The following PRELID2 variants were observed in gnomAD, a reference collection of about 807,000 sequenced individuals.
PRELID2 encodes PRELI domain containing 2, also known as PRELI domain-containing protein 2.
A neutral mutation model predicts 28.4 loss-of-function variants in PRELID2; 25 were observed. The ratio of observed to expected loss-of-function variants is 0.88; its 90% CI spans 0.64 to 1.23. PRELID2 has a LOEUF of 1.23. PRELID2 is among the 50% of genes most tolerant of loss of function. The probability of loss-of-function intolerance (pLI) is 0.00; values close to 1 mark genes in which losing one functional copy is unlikely to be tolerated. For synonymous variants in PRELID2, 76 were observed against 71.6 expected, an observed-to-expected ratio of 1.06 and a Z score of -0.31; for missense variants, 201 against 214.4, an observed-to-expected ratio of 0.94 and a Z score of 0.39.
chr5:145,493,176 A>G (rs1270169941), intron 1 of PRELID2, among the ~76,000 whole-genome samples: 1 of 97,014 alleles, frequency 1.0e-5, no homozygotes, highest in Admixed American at 1.0e-4. Flanking sequence ...TGATATTTCT[A>G]TGGTGGGATG....
At chr5:145,237,721 G>T in the PRELID2 span, among the ~76,000 whole-genome samples, 4 of 152,070 alleles carry the variant, frequency 2.6e-5, no homozygotes, top group African/African-American at 9.7e-5. Flanking sequence ...TGCAGCAGCA[G>T]AGAGTGTGAT....
At chr5:145,821,303 GTGTGTGTA>G (rs1363840607) in intron 2 of PRELID2, among the ~76,000 whole-genome samples, 1 of 150,040 alleles carries the variant, frequency 6.7e-6, no homozygotes, top group African/African-American at 2.5e-5. Context: ...TCTCTTCTGT[GTGTGTGTA>G]TGTGTGTAAG....
chr5:145,726,321 A>AGAGAGAG (rs1561559875), intron 1 of PRELID2, among the ~76,000 whole-genome samples: 1 of 137,542 alleles, frequency 7.3e-6, no homozygotes, highest in African/African-American at 3.1e-5. Flanking sequence ...GAGAGAGAGA[A>AGAGAGAG]AGAGAGAAAG....
At chr5:145,386,003 G>A in the PRELID2 span, among the ~76,000 whole-genome samples, 1 of 151,968 alleles carries the variant, frequency 6.6e-6, no homozygotes, top group African/African-American at 2.4e-5. Flanking sequence ...TGGATCATGG[G>A]GGCTGTATTA....
chr5:145,258,735 C>T, the PRELID2 span, among the ~76,000 whole-genome samples: 3 of 152,064 alleles, frequency 2.0e-5, no homozygotes, highest in African/African-American at 7.2e-5. Flanking sequence ...TGCAGCCTGG[C>T]TGTGTGGTAG....
the PRELID2 span, among the ~76,000 whole-genome samples, chr5:145,343,183 T>G: frequency 6.6e-6 from 1 of 151,990 alleles, no homozygotes; most frequent in Non-Finnish European, 1.5e-5. Context: ...TTACAAGACA[T>G]TTACAGAACA....
chr5:145,604,487 G>A (rs1046145712), intron 1 of PRELID2, among the ~76,000 whole-genome samples: 6 of 152,082 alleles, frequency 3.9e-5, no homozygotes, highest in African/African-American at 1.4e-4. Flanking sequence ...ATCACTGATA[G>A]ACATTTGGGT....
chr5:145,316,480 C>T, the PRELID2 span, among the ~76,000 whole-genome samples: 3 of 152,296 alleles, frequency 2.0e-5, no homozygotes, highest in East Asian at 5.8e-4. Flanking sequence ...CTCAGTCATA[C>T]ACCACGCAGC....
chr5:145,723,997 A>C (rs1240825049), intron 1 of PRELID2, among the ~76,000 whole-genome samples: 1 of 152,236 alleles, frequency 6.6e-6, no homozygotes, highest in Non-Finnish European at 1.5e-5. Context: ...CACACAATGG[A>C]ATGCTATGCA....
chr5:145,423,187 C>G, the PRELID2 span, among the ~76,000 whole-genome samples: 1 of 151,996 alleles, frequency 6.6e-6, no homozygotes, highest in East Asian at 1.9e-4. Flanking sequence ...TTCATTTCCA[C>G]TTTGGTGAAT....
chr5:145,479,400 A>G (rs570513665), intron 1 of PRELID2, among the ~76,000 whole-genome samples: 1 of 152,216 alleles, frequency 6.6e-6, no homozygotes, highest in African/African-American at 2.4e-5. Context: ...CATGGCCTGG[A>G]ACACTCCTAC....
chr5:145,374,846 C>T, the PRELID2 span, among the ~76,000 whole-genome samples: 1 of 152,082 alleles, frequency 6.6e-6, no homozygotes. Flanking sequence ...CATTTATGTT[C>T]CTACTTAAAC....
At chr5:145,532,802 G>C (rs1752665272) in intron 1 of PRELID2, among the ~76,000 whole-genome samples, 1 of 151,936 alleles carries the variant, frequency 6.6e-6, no homozygotes, top group African/African-American at 2.4e-5. Context: ...ATTTTCTTCT[G>C]TTTATAGACT....
the PRELID2 span, among the ~76,000 whole-genome samples, chr5:145,380,306 C>T: frequency 1.3e-5 from 2 of 152,156 alleles, no homozygotes; most frequent in Non-Finnish European, 2.9e-5. Context: ...CCAGCTTTCT[C>T]CCCCTTCAGC....
At chr5:145,296,217 T>G in the PRELID2 span, among the ~76,000 whole-genome samples, 1 of 151,876 alleles carries the variant, frequency 6.6e-6, no homozygotes, top group African/African-American at 2.4e-5. Context: ...ATACTTTAAG[T>G]TTTAGGGTAC....
intron 5 of PRELID2, among the ~76,000 whole-genome samples, chr5:145,787,591 G>A (rs113014085): frequency 1.4e-3 from 207 of 151,810 alleles, no homozygotes; most frequent in Non-Finnish European, 2.3e-3. Flanking sequence ...CCCAGGCTAG[G>A]GTGCAGTGGT....
At chr5:145,513,954 T>C (rs1752489052) in intron 1 of PRELID2, among the ~76,000 whole-genome samples, 1 of 152,132 alleles carries the variant, frequency 6.6e-6, no homozygotes, top group South Asian at 2.1e-4. Flanking sequence ...CTAAGAGATT[T>C]TGTCACCACC....
Position 145,614,360 on chromosome 5 carries a change from A to G in PRELID2, n.71-141045T>C, listed in dbSNP as rs181036208. On this transcript the variant is annotated intron_variant and non_coding_transcript_variant, in intron 1 of 2. Coordinates refer to the PRELID2 transcript ENST00000510259. ...GTGTTTTCTAATTCTATGAAGAGTG[A>G]TGGTGGTATTTTGATGGGGATTGCA... 3.6e-3 allele frequency among the ~76,000 whole-genome samples: 550 copies of G among 152,214 alleles called. 2 individuals carry two copies. The highest frequency in any genetic ancestry group is 6.3e-3 in the Non-Finnish European group (431 of 68,012).
intron 5 of PRELID2, among the ~76,000 whole-genome samples, chr5:145,784,118 C>T (rs1455106019): frequency 6.6e-6 from 1 of 151,100 alleles, no homozygotes; most frequent in Non-Finnish European, 1.5e-5. Context: ...CTGGTCTTTA[C>T]TAAAAATACA....
Sources: allele counts gnomAD v4.1 joint callset (sites outside exome capture counted in the v4.1 genomes callset), GRCh38; gene constraint gnomAD v4.1.1; transcripts MANE v1.5; gene names NCBI Gene and HGNC (gene_info 2026-07-23, HGNC 2026-07-21).